The following RCN1 variants were observed in gnomAD, a reference collection of about 807,000 sequenced individuals.
RCN1 encodes reticulocalbin-1.
In RCN1, 14 loss-of-function variants were observed where a neutral mutation model predicts 34.7. That is an observed-to-expected ratio of 0.40 (90% CI 0.27 to 0.63). RCN1 has a LOEUF of 0.63. Among genes scored for constraint, RCN1 ranks in the 30% least tolerant of loss-of-function variants. The pLI is 0.37. For synonymous variants in RCN1, 125 were observed against 165.5 expected, an observed-to-expected ratio of 0.76 and a Z score of 1.88; for missense variants, 326 against 425.1, an observed-to-expected ratio of 0.77 and a Z score of 2.05.
intron 1 of RCN1, 44 bp downstream of exon 1, chr11:32,091,494 C>G (rs1359520421): frequency 4.6e-6 from 7 of 1,524,504 alleles, no homozygotes; most frequent in African/African-American, 1.4e-5. Flanking sequence ...CGCAGGTGTC[C>G]GAGGGCCGCC....
At chr11:32,097,552 C>G (rs1851987456) in intron 2 of RCN1, among the ~76,000 whole-genome samples, 1 of 152,058 alleles carries the variant, frequency 6.6e-6, no homozygotes, top group Admixed American at 6.5e-5. Flanking sequence ...GCTGTGAGGG[C>G]TAATAAAAAA....
At chr11:32,093,770 A>C (rs765606130) in intron 1 of RCN1, among the ~76,000 whole-genome samples, 2 of 152,198 alleles carry the variant, frequency 1.3e-5, no homozygotes, top group African/African-American at 2.4e-5. Flanking sequence ...AAAATGTCAT[A>C]ATCCCCAAAA....
At chr11:32,104,192 C>G (rs1008420481) in intron 5 of RCN1, among the ~76,000 whole-genome samples, 173 bp from the exon 6 acceptor site, 2 of 152,134 alleles carry the variant, frequency 1.3e-5, no homozygotes, top group Non-Finnish European at 2.9e-5. Context: ...GAGGCTGTTC[C>G]GATTTGGAGT....
chr11:32,096,183 G>A (rs976687431), intron 1 of RCN1, among the ~76,000 whole-genome samples: 1 of 152,216 alleles, frequency 6.6e-6, no homozygotes, highest in Non-Finnish European at 1.5e-5. Flanking sequence ...TCTAGAGTTA[G>A]CCTGTATGAC....
At chr11:32,095,246 C>T (rs377352140) in intron 1 of RCN1, among the ~76,000 whole-genome samples, 1 of 145,600 alleles carries the variant, frequency 6.9e-6, no homozygotes, top group Non-Finnish European at 1.5e-5. Context: ...ATGTTTTAGT[C>T]TTTTTTTTTT....
Position 32,095,895 on chromosome 11 carries a change from C to T in RCN1, c.255-1249C>T, listed in dbSNP as rs148130135. Among the ~76,000 whole-genome samples the T allele has an allele frequency of 1.7e-3, 258 of 152,278 alleles. 2 individuals are homozygous for T. The highest frequency in any genetic ancestry group is 6.5e-4 in the Non-Finnish European group (44 of 68,026). On this transcript the variant is annotated intron_variant, in intron 1 of 5. Transcript: ENST00000054950. ...TTGCAAATGAAGGGGTACTTTCAAG[C>T]TGTTGGTGATGTTTACACCTTCCTG...
intron 1 of RCN1, among the ~76,000 whole-genome samples, chr11:32,093,684 G>A (rs887886754): frequency 1.1e-4 from 16 of 152,050 alleles, no homozygotes; most frequent in Admixed American, 8.5e-4. Flanking sequence ...TGAGAGGTGA[G>A]AATGGAGGGG....
intron 3 of RCN1, among the ~76,000 whole-genome samples, chr11:32,099,270 G>A (rs1049791830): frequency 9.9e-5 from 15 of 151,938 alleles, no homozygotes; most frequent in South Asian, 2.1e-4. Context: ...GCAGTGAGCC[G>A]AGATCGTGCC....
Position 32,097,351 on chromosome 11 carries a change from C to A in RCN1, c.448+14C>A. The A allele has an allele frequency of 6.6e-7, 1 of 1,519,444 alleles. No homozygotes were observed. The highest frequency in any genetic ancestry group is 8.8e-7 in the Non-Finnish European group (1 of 1,140,058). The allele number at this position is 1,519,444 out of a possible 1,614,324, so 94.1% of individuals were successfully genotyped here. ...GTTACTACCTAGGTAAGAGGTGCTGCAGGAGCGATGACACAGTGGGGGCCC... is the reference window on the plus strand; with the variant it reads ...GTTACTACCTAGGTAAGAGGTGCTGAAGGAGCGATGACACAGTGGGGGCCC... On this transcript the variant is annotated intron_variant, in intron 2 of 5. Coordinates refer to ENST00000054950, the MANE Select transcript of RCN1 (RefSeq NM_002901.4).
intron 4 of RCN1, 111 bp downstream of exon 4, chr11:32,100,719 A>AT: frequency 2.4e-6 from 2 of 816,996 alleles, no homozygotes; most frequent in South Asian, 3.2e-5. Flanking sequence ...CTGCAAGTCT[A>AT]TACGTCACTC....
rs1016282152 is a variant in RCN1 at position 32,091,204 on chromosome 11, G to A, written c.8G>A (p.Arg3His). 8 of 1,434,570 alleles carry A rather than the reference G, an allele frequency of 5.6e-6. No homozygotes were observed. In the South Asian group the frequency reaches 7.6e-5, roughly 14 times the overall value. The allele number at this position is 1,434,570 out of a possible 1,614,324, so 88.9% of individuals were successfully genotyped here. Residue 3 changes from arginine (R) to histidine (H), a missense_variant, in exon 1 of 6, where the codon CGC (arginine) becomes CAC (histidine). Coordinates refer to ENST00000054950, the MANE Select transcript of RCN1 (RefSeq NM_002901.4). MARGGRGRRLGLA... is the reference protein window; with the variant it reads MAHGGRGRRLGLA... ...CGCCCTCTCCTCGGGACGATGGCGC[G>A]CGGTGGCCGCGGCCGCCGCCTGGGG...
chr11:32,098,314 G>A (rs760706812), intron 2 of RCN1, 36 bp from the exon 3 acceptor site: 236 of 1,571,400 alleles, frequency 1.5e-4, no homozygotes, highest in Middle Eastern at 4.5e-4. Flanking sequence ...TTGACCGCAC[G>A]GTTTAAAAAC....
At chr11:32,100,484 A>C in intron 3 of RCN1, 64 bp from the exon 4 acceptor site, 1 of 1,324,842 alleles carries the variant, frequency 7.5e-7, no homozygotes, top group Non-Finnish European at 1.1e-6. Context: ...TGAGGACAAT[A>C]GAATTCTCAG....
At chr11:32,101,505 C>T (rs118151555) in intron 4 of RCN1, among the ~76,000 whole-genome samples, 1 of 152,278 alleles carries the variant, frequency 6.6e-6, no homozygotes, top group African/African-American at 2.4e-5. Flanking sequence ...AAACTCAGAG[C>T]CTGAGTTGCT....
chr11:32,098,382 C>G lies in RCN1; in HGVS notation c.481C>G (p.His161Asp). Residue 161 changes from histidine to aspartate, a missense_variant, in exon 3 of 6, where the codon CAT (histidine) becomes GAT (aspartate). Transcript: ENST00000054950. Reference sequence around the variant, plus strand: ...CGCAGAGTTTCATGATTCTTCAGATCATCACACCTTTAAAAAGATGCTGCC... The same window carrying G: ...CGCAGAGTTTCATGATTCTTCAGATGATCACACCTTTAAAAAGATGCTGCC... ...NPAEFHDSSD[H>D]HTFKKMLPRD... The G allele has an allele frequency of 6.2e-7, 1 of 1,613,484 alleles. No homozygotes were observed. The highest frequency in any genetic ancestry group is 8.5e-7 in the Non-Finnish European group (1 of 1,179,840).
At chr11:32,103,201 A>G (rs1024569522) in intron 4 of RCN1, 80 bp from the exon 5 acceptor site, 1 of 1,274,908 alleles carries the variant, frequency 7.8e-7, no homozygotes. Context: ...AAAGCTCAGG[A>G]GGTCAAGTTT....
In RCN1 at chr11:32,100,565, C is replaced by T; in HGVS notation, c.645C>T (p.Ile215=). The T allele has an allele frequency of 3.1e-6, 5 of 1,613,982 alleles. No individual in the cohort carries two copies. The highest frequency in any genetic ancestry group is 4.2e-6 in the Non-Finnish European group (5 of 1,179,898). The change falls in exon 4 of 6, where the codon ATC becomes ATT. Residue 215 remains isoleucine (I), a synonymous_variant. Coordinates refer to ENST00000054950, the MANE Select transcript of RCN1 (RefSeq NM_002901.4). ...EIVVLETLED[I]DKNGDGFVDQ... is the part of the protein sequence containing the mutation. ...CTTCCTAGGAAACCCTGGAGGACAT[C>T]GACAAGAACGGGGATGGGTTTGTGG... is the stretch of plus-strand genomic sequence containing the variant.
chr11:32,093,300 T>C (rs2133472094), intron 1 of RCN1, among the ~76,000 whole-genome samples: 1 of 152,344 alleles, frequency 6.6e-6, no homozygotes, highest in Non-Finnish European at 1.5e-5. Flanking sequence ...TTTGAATGGC[T>C]ACTGTGTACC....
chr11:32,096,058 G>T lies in RCN1; in HGVS notation c.255-1086G>T, dbSNP rs571115366. On this transcript the variant is annotated intron_variant, in intron 1 of 5. Coordinates refer to ENST00000054950, the MANE Select transcript of RCN1 (RefSeq NM_002901.4). Reference sequence around the variant, plus strand: ...TTCTCTGTCAAACTATCAAACTGATGAATTTGTTTCCCATTTTTTATTAAT... The same window carrying T: ...TTCTCTGTCAAACTATCAAACTGATTAATTTGTTTCCCATTTTTTATTAAT... Among the ~76,000 whole-genome samples, 7 of 152,172 alleles carry T rather than the reference G, an allele frequency of 4.6e-5. No homozygotes were observed. The East Asian group carries it at 1.4e-3, about 29-fold the overall frequency.
Sources: gnomAD v4.1 joint callset for allele counts (sites outside exome capture counted in the v4.1 genomes callset) on GRCh38, gnomAD v4.1.1 for gene constraint, MANE v1.5 for transcripts, NCBI Gene and HGNC (gene_info 2026-07-23, HGNC 2026-07-21) for gene names.